The following DNAJC9 variants were observed in gnomAD, a reference collection of about 807,000 sequenced individuals.
The protein encoded by DNAJC9 is DnaJ heat shock protein family (Hsp40) member C9.
A neutral mutation model predicts 32.4 loss-of-function variants in DNAJC9; 18 were observed. The observed-to-expected ratio is 0.56, with a 90% CI of 0.38 to 0.82. DNAJC9 has a LOEUF of 0.82. Among genes scored for constraint, DNAJC9 ranks in the 40% least tolerant of loss-of-function variants. The pLI is 0.00. For synonymous variants in DNAJC9, 113 were observed against 122.1 expected (o/e 0.93, Z 0.49); for missense variants, 310 against 321.8 (o/e 0.96, Z 0.28).
In DNAJC9 at chr10:73,245,906, G is replaced by A. The variant is rs760794519; in HGVS notation, c.576+16C>T. 1.2e-6 allele frequency: 2 copies of A among 1,606,914 alleles called. No individual in the cohort carries two copies. The highest frequency in any genetic ancestry group is 1.7e-6 in the Non-Finnish European group (2 of 1,178,150). ...GAAGCAGTCAAAATATAAATCCACAGTATTCAAAATCTTACCCTCCTTTTC... is the reference window on the plus strand; with the variant it reads ...GAAGCAGTCAAAATATAAATCCACAATATTCAAAATCTTACCCTCCTTTTC... On this transcript the variant is annotated intron_variant, in intron 3 of 4. Transcript: ENST00000372950.
Position 73,247,177 on chromosome 10 carries a change from C to G in DNAJC9, c.13G>C (p.Asp5His). The stretch of plus-strand genomic sequence containing the variant: ...GTGCCGAACACTTCCTCGCAAAGGT[C>G]CAGCAGCCCCATGCCGGGCGGAGAT... MGLL[D>H]LCEEVFGTAD... The change falls in exon 1 of 5, where the codon GAC becomes CAC. Residue 5 changes from aspartate (D) to histidine (H), a missense_variant. Coordinates refer to ENST00000372950, the MANE Select transcript of DNAJC9 (RefSeq NM_015190.5). The G allele has an allele frequency of 1.3e-6, 2 of 1,593,872 alleles. No homozygotes were observed. The highest frequency in any genetic ancestry group is 8.5e-7 in the Non-Finnish European group (1 of 1,171,262).
Position 73,243,423 on chromosome 10 carries a change from C to A in DNAJC9, c.760G>T (p.Ala254Ser). 6.2e-7 allele frequency: 1 copy of A among 1,613,890 alleles called. No homozygotes were observed. Among genetic ancestry groups the A allele is most frequent in the Non-Finnish European group, 8.5e-7 (1 of 1,179,870 alleles). Residue 254 changes from alanine (A) to serine (S), a missense_variant, in exon 5 of 5, where the codon GCT (alanine) becomes TCT (serine). Ala to Ser is a moderately conservative substitution (Grantham distance 99). Transcript: ENST00000372950. ...CATTATTTCTTTTCTTTCTTGAGAGCAGATTTTTTCCCTCCTCCTTTGGAA... is the reference window on the plus strand; with the variant it reads ...CATTATTTCTTTTCTTTCTTGAGAGAAGATTTTTTCCCTCCTCCTTTGGAA... ...KSSKGGGKKS[A>S]LKKEKK
Position 73,243,380 on chromosome 10 carries a change from C to T in DNAJC9, c.*20G>A, listed in dbSNP as rs1225426542. 1 of 1,612,230 alleles carries T rather than the reference C, an allele frequency of 6.2e-7. No individual in the cohort carries two copies. Among genetic ancestry groups the T allele is most frequent in the East Asian group, 2.2e-5 (1 of 44,886 alleles). ...ATGGCATCAATTTACACCTAAGGAC[C>T]TTTGAAGAGAAAAATTCCATTATTT... On this transcript the variant is annotated 3_prime_UTR_variant, in exon 5 of 5. Transcript: ENST00000372950.
At chr10:73,239,296 C>T, downstream of DNAJC9, 2 of 1,549,076 alleles carry the variant, frequency 1.3e-6, no homozygotes, top group Non-Finnish European at 1.7e-6. Flanking sequence ...GAAGTGTCTC[C>T]TCTTTTGTCT....
At chr10:73,241,491 A>G (rs2043951168), downstream of DNAJC9, 1 of 167,562 alleles carries the variant, frequency 6.0e-6, no homozygotes. Context: ...ACCTCATCAA[A>G]TAGATGTCAT....
At position 73,242,022 on chromosome 10, in the gene DNAJC9, G is replaced by T. The variant is rs1214438611; in HGVS notation, c.*1378C>A. 1 of 152,070 alleles carries T rather than the reference G, an allele frequency of 6.6e-6. No individual in the cohort carries two copies. The highest frequency in any genetic ancestry group is 1.5e-5 in the Non-Finnish European group (1 of 68,012). The allele number at this position is 152,070 out of a possible 1,614,324, so 9.4% of individuals were successfully genotyped here. ...AATCTTGATTGTCATGCCAGTTTTA[G>T]ATCTTATTAATTTTCAGAATGGATA... On this transcript the variant is annotated 3_prime_UTR_variant, in exon 5 of 5. Coordinates refer to ENST00000372950, the MANE Select transcript of DNAJC9 (RefSeq NM_015190.5).
intron 2 of DNAJC9, among the ~76,000 whole-genome samples, 196 bp from the exon 3 acceptor site, chr10:73,246,372 G>T (rs578253087): frequency 6.6e-6 from 1 of 152,234 alleles, no homozygotes; most frequent in African/African-American, 2.4e-5. Context: ...CTGCTAACTA[G>T]GGACCAGGGA....
rs996321545 is a variant in DNAJC9 at position 73,243,016 on chromosome 10, G to A, written c.*384C>T. The A allele has an allele frequency of 5.6e-6, 1 of 177,308 alleles. No individual in the cohort carries two copies. Among genetic ancestry groups the A allele is most frequent in the Non-Finnish European group, 1.2e-5 (1 of 83,768 alleles). The allele number at this position is 177,308 out of a possible 1,614,324, so 11.0% of individuals were successfully genotyped here. On this transcript the variant is annotated 3_prime_UTR_variant, in exon 5 of 5. Transcript: ENST00000372950. ...TAGCTGTCCAGCAAGTGTCTGGAAG[G>A]TGTTCTAGCTGGGTAGAGAGCCTAT...
intron 3 of DNAJC9, among the ~76,000 whole-genome samples, 157 bp downstream of exon 3, chr10:73,245,765 A>T (rs1372087703): frequency 6.6e-6 from 1 of 152,246 alleles, no homozygotes; most frequent in Non-Finnish European, 1.5e-5. Flanking sequence ...GTTTCTCTTG[A>T]TGAACTGGTA....
At chr10:73,235,270 C>A, downstream of DNAJC9, 1 of 1,552,038 alleles carries the variant, frequency 6.4e-7, no homozygotes, top group Non-Finnish European at 8.7e-7. Context: ...AAGAAAGGCT[C>A]CTTTTGCCCG....
At chr10:73,241,099 C>T, downstream of DNAJC9, 1 of 827,006 alleles carries the variant, frequency 1.2e-6, no homozygotes, top group South Asian at 1.4e-5. Flanking sequence ...TGATGCAGAG[C>T]TTGTATAGAA....
chr10:73,241,446 A>C (rs1035387672), downstream of DNAJC9: 13 of 184,574 alleles, frequency 7.0e-5, no homozygotes, highest in Non-Finnish European at 5.7e-5. Flanking sequence ...GGAGAGTTGT[A>C]CTCAGTTTTA....
downstream of DNAJC9, chr10:73,235,370 T>C (rs2043799253): frequency 6.5e-7 from 1 of 1,547,712 alleles, no homozygotes; most frequent in South Asian, 1.2e-5. Context: ...AAAGAAAAGG[T>C]GGGGGGAATA....
rs756542156 is a variant in DNAJC9, at chr10:73,247,215, G to A, written c.-26C>T. On this transcript the variant is annotated 5_prime_UTR_variant, in exon 1 of 5. Transcript: ENST00000372950. ...GCCGGGCGGAGATACGACCCCGGAGGAAGCAGCCGCTCCCAGCTGCGCCGG... is the reference window on the plus strand; with the variant it reads ...GCCGGGCGGAGATACGACCCCGGAGAAAGCAGCCGCTCCCAGCTGCGCCGG... 1.8e-5 allele frequency: 28 copies of A among 1,575,666 alleles called. No individual in the cohort carries two copies. The highest frequency in any genetic ancestry group is 7.3e-5 in the Admixed American group (4 of 54,858).
At chr10:73,245,873 C>T in intron 3 of DNAJC9, 49 bp downstream of exon 3, 1 of 1,595,880 alleles carries the variant, frequency 6.3e-7, no homozygotes, top group Non-Finnish European at 8.5e-7. Flanking sequence ...ACTCTCAAAT[C>T]CTTTTTGGAA....
At position 73,242,766 on chromosome 10, in the gene DNAJC9, C is replaced by T. The variant is rs2043968610; in HGVS notation, c.*634G>A. The T allele has an allele frequency of 6.6e-6, 1 of 152,202 alleles. No individual in the cohort carries two copies. The highest frequency in any genetic ancestry group is 2.4e-5 in the African/African-American group (1 of 41,424). The allele number at this position is 152,202 out of a possible 1,614,324, so 9.4% of individuals were successfully genotyped here. ...TTCCCCTTTTCTCTCATCCTAAACA[C>T]CATTCATATTTTTCCTAGGTCACAT... On this transcript the variant is annotated 3_prime_UTR_variant, in exon 5 of 5. Coordinates refer to ENST00000372950, the MANE Select transcript of DNAJC9 (RefSeq NM_015190.5).
At chr10:73,244,507 A>G (rs1198974999) in intron 3 of DNAJC9, 1 of 151,662 alleles carries the variant, frequency 6.6e-6, no homozygotes, top group African/African-American at 2.4e-5. Context: ...AAAAAGAGAA[A>G]AAAAAAAAAA....
chr10:73,245,828 T>C, intron 3 of DNAJC9, 94 bp downstream of exon 3: 2 of 1,485,864 alleles, frequency 1.3e-6, no homozygotes, highest in Non-Finnish European at 1.8e-6. Flanking sequence ...AGTCCTTATT[T>C]CTGGAGTTTT....
At chr10:73,237,068 TTCTTA>T (rs2043839176), downstream of DNAJC9, among the ~76,000 whole-genome samples, 1 of 152,168 alleles carries the variant, frequency 6.6e-6, no homozygotes, top group South Asian at 2.1e-4. Flanking sequence ...GGGTTCCCTC[TTCTTA>T]TAAGATACCA....
Sources: allele counts gnomAD v4.1 joint callset (sites outside exome capture counted in the v4.1 genomes callset), GRCh38; gene constraint gnomAD v4.1.1; transcripts MANE v1.5; gene names NCBI Gene and HGNC (gene_info 2026-07-23, HGNC 2026-07-21).